PDCD2L: variants seen among roughly 807,000 people sequenced by gnomAD.
PDCD2L encodes uS5 assembly chaperone PDCD2L.
PDCD2L carries 44 observed loss-of-function variants against 40.4 expected under a neutral mutation model. The observed-to-expected ratio is 1.09, with a 90% CI of 0.86 to 1.40. The LOEUF is 1.40. PDCD2L is among the 40% of genes most tolerant of loss of function. The pLI, the probability that PDCD2L is intolerant of heterozygous loss-of-function variation, is 0.00. For missense variants in PDCD2L, 470 were observed against 453.7 expected (o/e 1.04, Z -0.33); for synonymous variants, 194 against 174.6 (o/e 1.11, Z -0.88).
At position 34,410,315 on chromosome 19, in the gene PDCD2L, G is replaced by A. The variant is rs979592124; in HGVS notation, c.686+805G>A. Among the ~76,000 whole-genome samples the A allele has an allele frequency of 1.3e-5, 2 of 152,140 alleles. 1 individual carries two copies. Among genetic ancestry groups the A allele is most frequent in the South Asian group, 4.1e-4 (2 of 4,830 alleles). ...TACCCAGGCTGGAGTGCAATGGCACGATCTCGGCTCACTGCAACCTCCACC... is the reference window on the plus strand; with the variant it reads ...TACCCAGGCTGGAGTGCAATGGCACAATCTCGGCTCACTGCAACCTCCACC... On this transcript the variant is annotated intron_variant, in intron 4 of 6. Coordinates refer to ENST00000246535, the MANE Select transcript of PDCD2L (RefSeq NM_032346.2).
At chr19:34,412,132 C>T (rs964698803) in intron 4 of PDCD2L, among the ~76,000 whole-genome samples, 8 of 151,642 alleles carry the variant, frequency 5.3e-5, no homozygotes, top group African/African-American at 1.7e-4. Flanking sequence ...CAATTCTCCT[C>T]CCTTAGCCTC....
At chr19:34,424,127 G>A (rs2075165367) in intron 6 of PDCD2L, among the ~76,000 whole-genome samples, 1 of 151,918 alleles carries the variant, frequency 6.6e-6, no homozygotes, top group Non-Finnish European at 1.5e-5. Flanking sequence ...GTCATTTCTT[G>A]GTGGTTCAGT....
At chr19:34,414,531 G>A (rs1394803179) in intron 5 of PDCD2L, among the ~76,000 whole-genome samples, 1 of 134,064 alleles carries the variant, frequency 7.5e-6, no homozygotes. Context: ...TGTTGCTCAG[G>A]CTGGAGTGCA....
chr19:34,421,180 C>T lies in PDCD2L; in HGVS notation c.798-339C>T, dbSNP rs532217276. ...GGTCCATGGCCTGGGGGTCCATGGC[C>T]TGGGGGTTGGGGACTTCTTCTCTAA... On this transcript the variant is annotated intron_variant, in intron 5 of 6. Coordinates refer to ENST00000246535, the MANE Select transcript of PDCD2L (RefSeq NM_032346.2). Among the ~76,000 whole-genome samples, 80 of 152,258 alleles carry T rather than the reference C, an allele frequency of 5.3e-4. 1 individual carries two copies. Among genetic ancestry groups the T allele is most frequent in the African/African-American group, 1.9e-3 (78 of 41,558 alleles).
chr19:34,408,619 C>T (rs1372545965), intron 3 of PDCD2L, among the ~76,000 whole-genome samples: 1 of 152,200 alleles, frequency 6.6e-6, no homozygotes, highest in Admixed American at 6.6e-5. Context: ...GCTGCTATGC[C>T]ACCTCTCCTG....
chr19:34,411,888 CAA>C (rs1281964577), intron 4 of PDCD2L, among the ~76,000 whole-genome samples: 1 of 150,264 alleles, frequency 6.7e-6, no homozygotes, highest in African/African-American at 2.4e-5. Context: ...CTCCTAACCT[CAA>C]GTGACCCACT....
chr19:34,419,773 CT>C lies in PDCD2L; in HGVS notation c.798-1725del, dbSNP rs754032924. Reference sequence around the variant, plus strand: ...CTTTTATTTTTAACTCTTTATGTTGCTTTTTTTTTTTTTTTTTTTTTAAGAG... The same window carrying C: ...CTTTTATTTTTAACTCTTTATGTTGCTTTTTTTTTTTTTTTTTTTTAAGAG... On this transcript the variant is annotated intron_variant, in intron 5 of 6. Transcript: ENST00000246535. 7.5e-3 allele frequency among the ~76,000 whole-genome samples: 276 copies of C among 36,616 alleles called. 1 individual carries two copies. The highest frequency in any genetic ancestry group is 0.025 in the African/African-American group (230 of 9,366). 24.0% of individuals were successfully genotyped at this position (36,616 alleles called of 152,430 possible). A position where few individuals can be genotyped will look rare whatever the true frequency, so the allele number is the denominator to read the frequency against.
At chr19:34,418,335 T>A (rs577598584) in intron 5 of PDCD2L, among the ~76,000 whole-genome samples, 2 of 152,346 alleles carry the variant, frequency 1.3e-5, no homozygotes, top group East Asian at 3.9e-4. Context: ...GCCAATCATC[T>A]TTCTGTTGCA....
chr19:34,415,142 A>G (rs776632023), intron 5 of PDCD2L, among the ~76,000 whole-genome samples: 5 of 151,834 alleles, frequency 3.3e-5, no homozygotes, highest in African/African-American at 4.8e-5. Context: ...TTTTTCTGGG[A>G]TGGAGTCTCG....
chr19:34,426,129 CTTTTATTAATATAAA>C lies in PDCD2L; in HGVS notation c.*12_*26del. The C allele has an allele frequency of 6.6e-7, 1 of 1,520,126 alleles. No homozygotes were observed. The highest frequency in any genetic ancestry group is 9.1e-7 in the Non-Finnish European group (1 of 1,101,808). 94.2% of individuals were successfully genotyped at this position (1,520,126 alleles called of 1,614,324 possible). A position where few individuals can be genotyped will look rare whatever the true frequency, so the allele number is the denominator to read the frequency against. On this transcript the variant is annotated 3_prime_UTR_variant, in exon 7 of 7. Transcript: ENST00000246535. ...AATTATTGTTTAAGTAGAGCATTTCCTTTTATTAATATAAATTAAAACAAATGTTTACATCCAAAT... is the reference window on the plus strand; with the variant it reads ...AATTATTGTTTAAGTAGAGCATTTCCTTAAAACAAATGTTTACATCCAAAT...
intron 2 of PDCD2L, 32 bp downstream of exon 2, chr19:34,404,847 G>T: frequency 6.2e-7 from 1 of 1,606,128 alleles, no homozygotes; most frequent in Non-Finnish European, 8.5e-7. Flanking sequence ...CTGCTCCAGG[G>T]GTGTCCTTTC....
rs182637840 is a variant in PDCD2L at position 34,411,341 on chromosome 19, G to A, written c.686+1831G>A. Among the ~76,000 whole-genome samples, 12 of 150,310 alleles carry A rather than the reference G, an allele frequency of 8.0e-5. No homozygotes were observed. The East Asian group carries it at 2.4e-3, about 30-fold the overall frequency. ...TGCAACCTCTCCCTCGCCGGCTTAA[G>A]CAGCTCTCATGTCTCAGCCTCCCGA... On this transcript the variant is annotated intron_variant, in intron 4 of 6. Transcript: ENST00000246535.
chr19:34,413,851 A>G lies in PDCD2L; in HGVS notation c.797+4A>G, dbSNP rs1427549239. 1.3e-6 allele frequency: 2 copies of G among 1,519,078 alleles called. No individual in the cohort carries two copies. The highest frequency in any genetic ancestry group is 4.5e-5 in the East Asian group (2 of 44,374). 94.1% of individuals were successfully genotyped at this position (1,519,078 alleles called of 1,614,324 possible). A position where few individuals can be genotyped will look rare whatever the true frequency, so the allele number is the denominator to read the frequency against. Reference sequence around the variant, plus strand: ...CTTGTCAGGAGCAGATTTTGAGGTAAAAAAAGGCACAGTTCCTTTTATTGT... The same window carrying G: ...CTTGTCAGGAGCAGATTTTGAGGTAGAAAAAGGCACAGTTCCTTTTATTGT... On this transcript the variant is annotated splice_donor_region_variant and intron_variant, in intron 5 of 6. Transcript: ENST00000246535.
intron 5 of PDCD2L, among the ~76,000 whole-genome samples, chr19:34,414,474 CTTTTTTTTT>C (rs35413401): frequency 1.2e-3 from 49 of 39,790 alleles, no homozygotes; most frequent in African/African-American, 4.7e-3. Flanking sequence ...CCATGCCTGG[CTTTTTTTTT>C]TTTTTTTTTT....
At chr19:34,408,876 C>CT (rs1166959436) in intron 3 of PDCD2L, among the ~76,000 whole-genome samples, 2 of 152,184 alleles carry the variant, frequency 1.3e-5, no homozygotes, top group African/African-American at 4.8e-5. Flanking sequence ...TTTTCAGTTC[C>CT]TGCAATACAT....
intron 4 of PDCD2L, among the ~76,000 whole-genome samples, chr19:34,410,292 C>A (rs527971451): frequency 2.6e-5 from 4 of 152,296 alleles, no homozygotes; most frequent in Admixed American, 2.6e-4. Context: ...GCTGTTGTTA[C>A]CCAGGCTGGA....
At chr19:34,416,479 T>C (rs570931970) in intron 5 of PDCD2L, among the ~76,000 whole-genome samples, 4 of 152,344 alleles carry the variant, frequency 2.6e-5, no homozygotes, top group South Asian at 2.1e-4. Context: ...CATTTTACAC[T>C]GTCTCAGAGG....
At chr19:34,409,878 G>GAAAAGAAAAACGCCATTTGTTT (rs1025384957) in intron 4 of PDCD2L, among the ~76,000 whole-genome samples, 6 of 152,204 alleles carry the variant, frequency 3.9e-5, no homozygotes, top group Admixed American at 3.9e-4. Context: ...ATGGAAAAAG[G>GAAAAGAAAAACGCCATTTGTTT]AAAAGAAAAA....
At chr19:34,413,482 G>A (rs893290536) in intron 4 of PDCD2L, among the ~76,000 whole-genome samples, 1 of 151,712 alleles carries the variant, frequency 6.6e-6, no homozygotes, top group East Asian at 1.9e-4. Context: ...GACTATAGGC[G>A]CAAGCCACCA....
Sources: allele counts gnomAD v4.1 joint callset (sites outside exome capture counted in the v4.1 genomes callset), GRCh38; gene constraint gnomAD v4.1.1; transcripts MANE v1.5; gene names NCBI Gene and HGNC (gene_info 2026-07-23, HGNC 2026-07-21).